Variants in HEATR1 observed in about 807,000 individuals in gnomAD.
HEATR1 encodes the protein HEAT repeat-containing protein 1.
HEATR1 carries 77 observed loss-of-function variants against 248.2 expected under a neutral mutation model. The observed-to-expected ratio is 0.31, with a 90% confidence interval of 0.26 to 0.37. The LOEUF (loss-of-function observed/expected upper bound fraction) is 0.37. Among genes scored for constraint, HEATR1 ranks in the 10% least tolerant of loss-of-function variants. The pLI, the probability that HEATR1 is intolerant of heterozygous loss-of-function variation, is 1.00. For missense variants in HEATR1, 2,420 were observed against 2,504.9 expected, an observed-to-expected ratio of 0.97 and a Z score of 0.72; for synonymous variants, 897 against 923.1, an observed-to-expected ratio of 0.97 and a Z score of 0.51.
chr1:236,574,162 A>G, intron 24 of HEATR1, 40 bp downstream of exon 24: 1 of 1,562,002 alleles, frequency 6.4e-7, no homozygotes, highest in Non-Finnish European at 8.7e-7. Context: ...AAGAGACTAT[A>G]AACATTAATA....
chr1:236,569,202 G>A (rs958242115), intron 28 of HEATR1, 78 bp from the exon 29 acceptor site: 38 of 1,156,242 alleles, frequency 3.3e-5, no homozygotes, highest in African/African-American at 2.4e-4. Context: ...ATAGCGTCTC[G>A]CTCCGTCATT....
chr1:236,575,679 A>G (rs879736373), intron 22 of HEATR1, among the ~76,000 whole-genome samples: 38 of 152,340 alleles, frequency 2.5e-4, no homozygotes, highest in Non-Finnish European at 4.1e-4. Flanking sequence ...TGAAGCACAC[A>G]GGCATTTCTG....
chr1:236,587,707 G>C (rs1270655965), intron 13 of HEATR1, among the ~76,000 whole-genome samples: 2 of 152,004 alleles, frequency 1.3e-5, no homozygotes, highest in Non-Finnish European at 2.9e-5. Context: ...TATGTTAAAA[G>C]CAATATAAAA....
At chr1:236,589,975 C>T (rs865903488) in intron 12 of HEATR1, among the ~76,000 whole-genome samples, 43 of 152,310 alleles carry the variant, frequency 2.8e-4, no homozygotes, top group African/African-American at 9.9e-4. Flanking sequence ...ACAGGGACTG[C>T]TTGAATGACT....
At position 236,562,953 on chromosome 1, in the gene HEATR1, T is replaced by C. The variant is rs139867147; in HGVS notation, c.4599+1545A>G. On this transcript the variant is annotated intron_variant, in intron 32 of 44. Transcript: ENST00000366582. ...CAATATTATATAACAGTGGTGAGACTAATTAGTTCAGCCAGCCTGCTTGAT... is the reference window on the plus strand; with the variant it reads ...CAATATTATATAACAGTGGTGAGACCAATTAGTTCAGCCAGCCTGCTTGAT... 5.5e-3 allele frequency among the ~76,000 whole-genome samples: 845 copies of C among 152,362 alleles called. 11 individuals are homozygous for C. The highest frequency in any genetic ancestry group is 0.019 in the African/African-American group (787 of 41,582).
In HEATR1 at chr1:236,586,449, G is replaced by A. The variant is rs771525962; in HGVS notation, c.1719C>T (p.Tyr573=). The change falls in exon 15 of 45, where the codon TAC becomes TAT. Residue 573 remains tyrosine (Y), a synonymous_variant. Transcript: ENST00000366582. Reference sequence around the variant, plus strand: ...TGTCAGCGGCTATCTTAAGTACCTCGTACCTAAAAGACATGCAAGCACACT... The same window carrying A: ...TGTCAGCGGCTATCTTAAGTACCTCATACCTAAAAGACATGCAAGCACACT... ...RAELSKNGEW[Y]EVLKIAADIL... The A allele has an allele frequency of 6.2e-6, 10 of 1,604,808 alleles. No homozygotes were observed. In the African/African-American group the frequency reaches 6.7e-5, roughly 11 times the overall value.
chr1:236,588,162 CT>C, intron 12 of HEATR1, 119 bp from the exon 13 acceptor site: 1 of 655,736 alleles, frequency 1.5e-6, no homozygotes, highest in South Asian at 2.3e-5. Context: ...AACACAGGCT[CT>C]GCTCTGGATG....
intron 3 of HEATR1, among the ~76,000 whole-genome samples, chr1:236,601,632 A>G (rs750315779): frequency 1.3e-5 from 2 of 151,448 alleles, no homozygotes; most frequent in Non-Finnish European, 2.9e-5. Context: ...AAAGTGAGAC[A>G]CTGTCTCTAC....
At chr1:236,555,183 T>G (rs1422904660) in intron 41 of HEATR1, 113 bp downstream of exon 41, 6 of 1,100,566 alleles carry the variant, frequency 5.5e-6, no homozygotes, top group African/African-American at 1.6e-5. Context: ...CTCCTTAGCT[T>G]AGGACTTAAG....
At chr1:236,551,024 C>CT (rs890375263) in intron 44 of HEATR1, 34 bp from the exon 45 acceptor site, 13 of 1,485,744 alleles carry the variant, frequency 8.7e-6, no homozygotes, top group Non-Finnish European at 1.2e-5. Context: ...AAATTAAAAT[C>CT]TGAGTCAGTC....
chr1:236,600,476 ACT>A (rs1228999493), intron 3 of HEATR1, among the ~76,000 whole-genome samples: 1 of 146,210 alleles, frequency 6.8e-6, no homozygotes, highest in Non-Finnish European at 1.5e-5. Context: ...TTCTGTGAAA[ACT>A]CTCCTATCCT....
At chr1:236,591,961 A>G in intron 11 of HEATR1, 32 bp downstream of exon 11, 3 of 1,354,300 alleles carry the variant, frequency 2.2e-6, no homozygotes, top group Non-Finnish European at 3.1e-6. Flanking sequence ...ATGTACCCCA[A>G]ATTGTCATAA....
intron 32 of HEATR1, among the ~76,000 whole-genome samples, chr1:236,561,872 T>TC (rs1382442123): frequency 6.6e-6 from 1 of 152,236 alleles, no homozygotes; most frequent in Admixed American, 6.5e-5. Flanking sequence ...TTAGTTTATG[T>TC]CCATTTTTTC....
At position 236,574,725 on chromosome 1, in the gene HEATR1, G is replaced by A; in HGVS notation, c.3263C>T (p.Ala1088Val). The A allele has an allele frequency of 6.2e-7, 1 of 1,613,734 alleles. No individual in the cohort carries two copies. Among genetic ancestry groups the A allele is most frequent in the Admixed American group, 1.7e-5 (1 of 60,000 alleles). Residue 1088 changes from alanine to valine, a missense_variant, in exon 23 of 45, where the codon GCT becomes GTT. By Grantham distance (64) the Ala-to-Val change is moderately conservative. Transcript: ENST00000366582. ...GTAAAGTTCCTTTGTTGTGTGCACA[G>A]CTTTTATAAATATATCTAGACTCTT... ...DPKSLDIFIKAVHTTKELYAG... is the reference protein window; with the variant it reads ...DPKSLDIFIKVVHTTKELYAG...
chr1:236,596,546 T>C (rs1664181409), intron 6 of HEATR1, among the ~76,000 whole-genome samples: 1 of 152,156 alleles, frequency 6.6e-6, no homozygotes, highest in South Asian at 2.1e-4. Flanking sequence ...TCAAAGAGAC[T>C]GTCTGCTCCG....
At chr1:236,573,570 T>C (rs1663487913) in intron 24 of HEATR1, among the ~76,000 whole-genome samples, 1 of 152,076 alleles carries the variant, frequency 6.6e-6, no homozygotes, top group Non-Finnish European at 1.5e-5. Context: ...ATTGTAGTCA[T>C]ATCCACTTTT....
chr1:236,592,777 G>A (rs777939004), intron 9 of HEATR1, 144 bp from the exon 10 acceptor site: 2 of 479,496 alleles, frequency 4.2e-6, no homozygotes, highest in Non-Finnish European at 7.5e-6. Context: ...TACAGATAAA[G>A]AAACTAGAGG....
chr1:236,573,845 T>C (rs2103135839), intron 24 of HEATR1, among the ~76,000 whole-genome samples: 1 of 152,184 alleles, frequency 6.6e-6, no homozygotes, highest in Non-Finnish European at 1.5e-5. Context: ...ATTAAACAAC[T>C]ATTTAAATTA....
chr1:236,559,826 GTC>G lies in HEATR1; in HGVS notation c.4656_4657del (p.Glu1552AspfsTer30). 6.2e-7 allele frequency: 1 copy of G among 1,606,716 alleles called. No individual in the cohort carries two copies. Among genetic ancestry groups the G allele is most frequent in the Middle Eastern group, 1.7e-4 (1 of 6,034 alleles). Reference sequence around the variant, plus strand: ...AACTGCACTGATATAGCCGAGAACGGTCTCCAGCAACCTGAAACACAGAGGCT... The same window carrying G: ...AACTGCACTGATATAGCCGAGAACGGTCCAGCAACCTGAAACACAGAGGCT... On this transcript the variant is annotated frameshift_variant, in exon 34 of 45. Coordinates refer to ENST00000366582, the MANE Select transcript of HEATR1 (RefSeq NM_018072.6). LOFTEE classifies it high-confidence loss of function.
Sources: allele counts gnomAD v4.1 joint callset (sites outside exome capture counted in the v4.1 genomes callset), GRCh38; gene constraint gnomAD v4.1.1; transcripts MANE v1.5; gene names NCBI Gene and HGNC (gene_info 2026-07-23, HGNC 2026-07-21).